Variants in PDE3B observed in about 807,000 individuals in gnomAD.
The protein encoded by PDE3B is phosphodiesterase 3B.
Under a neutral mutation model 116.8 loss-of-function variants are expected in PDE3B, and 66 were observed. The observed-to-expected ratio is 0.56, with a 90% CI of 0.46 to 0.69. The LOEUF is 0.69. Among genes scored for constraint, PDE3B ranks in the 30% least tolerant of loss-of-function variants. PDE3B has a pLI of 0.00. For missense variants in PDE3B, 1,384 were observed against 1,368.1 expected, an observed-to-expected ratio of 1.01 and a Z score of -0.18; for synonymous variants, 595 against 533.6, an observed-to-expected ratio of 1.12 and a Z score of -1.59.
chr11:14,853,671 G>A (rs1847798187), intron 12 of PDE3B, among the ~76,000 whole-genome samples: 1 of 152,174 alleles, frequency 6.6e-6, no homozygotes, highest in Admixed American at 6.5e-5. Context: ...CACCAGCTGG[G>A]TCAAGCATTC....
intron 4 of PDE3B, among the ~76,000 whole-genome samples, chr11:14,798,352 T>G (rs949721371): frequency 1.3e-5 from 2 of 152,236 alleles, no homozygotes; most frequent in South Asian, 4.1e-4. Context: ...ATTGAGGATT[T>G]TCATATCGAT....
chr11:14,857,846 G>A (rs1847877761), intron 12 of PDE3B, among the ~76,000 whole-genome samples: 1 of 152,168 alleles, frequency 6.6e-6, no homozygotes. Flanking sequence ...AGACAGAGCT[G>A]TTCTCATAGT....
At chr11:14,673,755 A>G (rs1854445365) in intron 1 of PDE3B, 2 of 775,284 alleles carry the variant, frequency 2.6e-6, no homozygotes, top group Non-Finnish European at 2.4e-6. Context: ...AATTCGTACA[A>G]GTAATCTCAG....
Position 14,724,117 on chromosome 11 carries a change from T to C in PDE3B, c.979-47820T>C, listed in dbSNP as rs563944007. ...CAAACAAAAAAGATGGACTAAGGTA[T>C]TGGCAAAAGTTTTTTCAGAAATGGA... On this transcript the variant is annotated intron_variant, in intron 1 of 15. Transcript: ENST00000282096. Among the ~76,000 whole-genome samples, 13 of 151,266 alleles carry C rather than the reference T, an allele frequency of 8.6e-5. No individual in the cohort carries two copies. The South Asian group carries it at 2.5e-3, about 29-fold the overall frequency.
chr11:14,763,373 T>G (rs190017441), intron 1 of PDE3B, among the ~76,000 whole-genome samples: 1 of 152,136 alleles, frequency 6.6e-6, no homozygotes, highest in African/African-American at 2.4e-5. Context: ...AAAACCTGAT[T>G]AGAGTCAACT....
Position 14,644,049 on chromosome 11 carries a change from G to A in PDE3B, c.-27G>A. 2.7e-6 allele frequency: 4 copies of A among 1,474,856 alleles called. No homozygotes were observed. The highest frequency in any genetic ancestry group is 3.6e-6 in the Non-Finnish European group (4 of 1,124,092). 91.4% of individuals were successfully genotyped at this position (1,474,856 alleles called of 1,614,324 possible). ...CTACGGTACGAGCGGGGTGTGCTGA[G>A]TCCCGTGGCCACCCCCGGCCCCAGC... On this transcript the variant is annotated 5_prime_UTR_variant, in exon 1 of 16. Coordinates refer to ENST00000282096, the MANE Select transcript of PDE3B (RefSeq NM_000922.4).
chr11:14,866,919 G>A (rs1445602432), intron 14 of PDE3B, among the ~76,000 whole-genome samples: 3 of 152,074 alleles, frequency 2.0e-5, no homozygotes, highest in Non-Finnish European at 2.9e-5. Context: ...CTCAAATTAA[G>A]CCCTAGAAGC....
chr11:14,782,423 T>G (rs573009567), intron 2 of PDE3B, among the ~76,000 whole-genome samples: 8 of 152,108 alleles, frequency 5.3e-5, no homozygotes, highest in Admixed American at 2.0e-4. Flanking sequence ...TATAGACCAA[T>G]GGAACAGAAC....
chr11:14,737,391 G>A (rs1382471718), intron 1 of PDE3B, among the ~76,000 whole-genome samples: 4 of 152,028 alleles, frequency 2.6e-5, no homozygotes, highest in African/African-American at 7.2e-5. Flanking sequence ...GTAGAGACAG[G>A]GTTTCACTGT....
At chr11:14,722,357 G>A (rs1405052340) in intron 1 of PDE3B, among the ~76,000 whole-genome samples, 1 of 151,536 alleles carries the variant, frequency 6.6e-6, no homozygotes, top group Admixed American at 6.6e-5. Context: ...CTAGTCGAGG[G>A]TAGCAAAAAA....
At chr11:14,664,899 C>A (rs913343408) in intron 1 of PDE3B, among the ~76,000 whole-genome samples, 2 of 152,160 alleles carry the variant, frequency 1.3e-5, no homozygotes, top group African/African-American at 2.4e-5. Flanking sequence ...AAGAGGGAAT[C>A]CTCCCTAACT....
intron 4 of PDE3B, among the ~76,000 whole-genome samples, chr11:14,790,236 T>A (rs924209268): frequency 6.6e-6 from 1 of 151,870 alleles, no homozygotes; most frequent in Non-Finnish European, 1.5e-5. Context: ...TTGAATGAAG[T>A]GATGTCTAAA....
At chr11:14,645,325 T>TATGC (rs1227073867) in intron 1 of PDE3B, among the ~76,000 whole-genome samples, 1 of 152,162 alleles carries the variant, frequency 6.6e-6, no homozygotes, top group Non-Finnish European at 1.5e-5. Context: ...AAGGACTGTA[T>TATGC]ATGCAATAGA....
At chr11:14,758,264 T>G (rs1479309096) in intron 1 of PDE3B, among the ~76,000 whole-genome samples, 1 of 150,706 alleles carries the variant, frequency 6.6e-6, no homozygotes, top group Non-Finnish European at 1.5e-5. Flanking sequence ...TTCTTTTGGC[T>G]TAGGATTGAC....
chr11:14,850,665 A>C (rs1209404523), intron 12 of PDE3B, among the ~76,000 whole-genome samples: 1 of 152,174 alleles, frequency 6.6e-6, no homozygotes, highest in Non-Finnish European at 1.5e-5. Context: ...GTGTATGTAA[A>C]AATTCTTCTG....
At chr11:14,836,854 G>A (rs1161619935) in intron 11 of PDE3B, among the ~76,000 whole-genome samples, 1 of 152,160 alleles carries the variant, frequency 6.6e-6, no homozygotes. Flanking sequence ...CAGTCACCCA[G>A]GCCAGAGTAC....
the PDE3B span, chr11:14,880,618 T>C: frequency 6.2e-7 from 1 of 1,610,008 alleles, no homozygotes; most frequent in Non-Finnish European, 8.5e-7. Flanking sequence ...AGGTCTACCT[T>C]TGTATGTTTC....
intron 1 of PDE3B, among the ~76,000 whole-genome samples, chr11:14,683,012 A>G (rs1461348752): frequency 1.3e-5 from 2 of 151,108 alleles, no homozygotes; most frequent in Non-Finnish European, 2.9e-5. Flanking sequence ...ATCTCAGCTC[A>G]CCACAACCTC....
intron 1 of PDE3B, among the ~76,000 whole-genome samples, chr11:14,723,587 CTACACAAATT>C (rs1278733168): frequency 6.6e-6 from 1 of 151,818 alleles, no homozygotes; most frequent in Non-Finnish European, 1.5e-5. Context: ...GACCCTGCTG[CTACACAAATT>C]TAAAAAAAAA....
Sources: allele counts gnomAD v4.1 joint callset (sites outside exome capture counted in the v4.1 genomes callset), GRCh38; gene constraint gnomAD v4.1.1; transcripts MANE v1.5; gene names NCBI Gene and HGNC (gene_info 2026-07-23, HGNC 2026-07-21).